OPCML: variants seen among roughly 807,000 people sequenced by gnomAD.
The protein encoded by OPCML is opioid binding protein/cell adhesion molecule like.
A neutral mutation model predicts 37.8 loss-of-function variants in OPCML; 13 were observed. The ratio of observed to expected loss-of-function variants is 0.34; its 90% confidence interval spans 0.22 to 0.55. OPCML has a LOEUF of 0.55. Among genes scored for constraint, OPCML ranks in the 20% least tolerant of loss-of-function variants. OPCML has a pLI of 0.91. For missense variants in OPCML, 341 were observed against 435.6 expected (o/e 0.78, Z 1.93); for synonymous variants, 176 against 168.8 (o/e 1.04, Z -0.33).
chr11:132,941,367 T>C (rs773948899), intron 2 of OPCML, among the ~76,000 whole-genome samples: 1 of 152,344 alleles, frequency 6.6e-6, no homozygotes, highest in Non-Finnish European at 1.5e-5. Context: ...TATTCAATGC[T>C]AGACCTCTTT....
intron 3 of OPCML, among the ~76,000 whole-genome samples, chr11:132,572,462 C>G (rs1314547759): frequency 6.6e-6 from 1 of 152,058 alleles, no homozygotes; most frequent in East Asian, 1.9e-4. Context: ...TTTCATTCTT[C>G]TATATGTGGA....
intron 2 of OPCML, among the ~76,000 whole-genome samples, chr11:132,900,745 A>C (rs891342805): frequency 1.3e-5 from 2 of 151,942 alleles, no homozygotes; most frequent in Non-Finnish European, 1.5e-5. Context: ...AACTAACTCC[A>C]GCTCCTTCAT....
At chr11:132,954,644 T>G (rs1288084733) in intron 1 of OPCML, among the ~76,000 whole-genome samples, 2 of 152,204 alleles carry the variant, frequency 1.3e-5, no homozygotes, top group Non-Finnish European at 2.9e-5. Context: ...CATTTGGATA[T>G]TTCGGTGTTG....
chr11:132,745,563 CAA>C (rs10562857), intron 2 of OPCML, among the ~76,000 whole-genome samples: 1,573 of 102,948 alleles, frequency 0.015, 11 homozygotes, highest in South Asian at 0.023. Flanking sequence ...TGCTGTCTTG[CAA>C]AAAAAAAAAA....
At chr11:132,425,805 C>T (rs1307029902) in intron 7 of OPCML, among the ~76,000 whole-genome samples, 1 of 152,216 alleles carries the variant, frequency 6.6e-6, no homozygotes. Flanking sequence ...GTAAAATCTT[C>T]CTAATGAATG....
intron 4 of OPCML, among the ~76,000 whole-genome samples, chr11:132,519,283 G>T (rs182709705): frequency 1.4e-3 from 208 of 152,230 alleles, no homozygotes; most frequent in Non-Finnish European, 2.4e-3. Flanking sequence ...TCAATGTGAA[G>T]GCATTATGAA....
At chr11:133,301,442 C>G (rs1335418114) in intron 1 of OPCML, 2 of 152,132 alleles carry the variant, frequency 1.3e-5, no homozygotes, top group Admixed American at 1.3e-4. Context: ...TCAATTTGGT[C>G]TCACCACAAA....
intron 2 of OPCML, among the ~76,000 whole-genome samples, chr11:132,932,508 C>A (rs1445711280): frequency 6.6e-6 from 1 of 151,868 alleles, no homozygotes; most frequent in Admixed American, 6.6e-5. Context: ...TTCCTCCATC[C>A]CCCTTTCCCA....
chr11:132,886,061 A>C (rs1280069470), intron 2 of OPCML, among the ~76,000 whole-genome samples: 3 of 152,206 alleles, frequency 2.0e-5, no homozygotes, highest in African/African-American at 7.2e-5. Context: ...TTCCATAATA[A>C]GTATAGGGCT....
chr11:133,384,264 A>AG (rs746573213), intron 1 of OPCML, among the ~76,000 whole-genome samples: 6 of 36,518 alleles, frequency 1.6e-4, no homozygotes, highest in African/African-American at 5.9e-4. Context: ...AAAAAAAAAA[A>AG]AGAAAAGAAA....
At position 132,958,617 on chromosome 11, in the gene OPCML, A is replaced by C. The variant is rs181137752; in HGVS notation, c.62-15607T>G. On this transcript the variant is annotated intron_variant, in intron 1 of 7. Coordinates refer to ENST00000524381, the MANE Select transcript of OPCML (RefSeq NM_001012393.5). ...AGGACAGGCTGACTCTCCGGTTAGG[A>C]GCTAATACAGCTGTTGACTTTAAGT... Among the ~76,000 whole-genome samples, 161 of 152,292 alleles carry C rather than the reference A, an allele frequency of 1.1e-3. 1 individual carries two copies. The highest frequency in any genetic ancestry group is 3.7e-3 in the African/African-American group (154 of 41,570).
intron 1 of OPCML, among the ~76,000 whole-genome samples, chr11:132,964,776 C>T (rs1304377892): frequency 6.6e-6 from 1 of 152,126 alleles, no homozygotes; most frequent in East Asian, 1.9e-4. Flanking sequence ...GTGGGTAATA[C>T]TACTACCTGC....
chr11:132,927,424 G>T (rs1945032176), intron 2 of OPCML, among the ~76,000 whole-genome samples: 1 of 152,066 alleles, frequency 6.6e-6, no homozygotes, highest in African/African-American at 2.4e-5. Flanking sequence ...AAAAGCAAAA[G>T]CAAAATCAAA....
At chr11:132,648,238 C>G (rs189139604) in intron 3 of OPCML, among the ~76,000 whole-genome samples, 2 of 152,164 alleles carry the variant, frequency 1.3e-5, no homozygotes, top group Non-Finnish European at 2.9e-5. Context: ...AGTTTATGAA[C>G]ATTTACTAAT....
chr11:133,223,625 GT>G (rs1324719603), intron 1 of OPCML, among the ~76,000 whole-genome samples: 2 of 152,140 alleles, frequency 1.3e-5, no homozygotes, highest in Admixed American at 1.3e-4. Flanking sequence ...AAAAGATTTT[GT>G]TTTGTGTTTC....
chr11:133,179,851 T>C (rs755405333), intron 1 of OPCML, among the ~76,000 whole-genome samples: 1 of 152,102 alleles, frequency 6.6e-6, no homozygotes, highest in Non-Finnish European at 1.5e-5. Flanking sequence ...TCAGTAACCC[T>C]GTGAGGCTTG....
At chr11:132,811,564 G>T (rs920115767) in intron 2 of OPCML, among the ~76,000 whole-genome samples, 1 of 152,054 alleles carries the variant, frequency 6.6e-6, no homozygotes, top group East Asian at 1.9e-4. Context: ...TTTCGGTTAC[G>T]GTTTTGTGTA....
chr11:133,531,737 T>G (rs1005198711), intron 1 of OPCML, among the ~76,000 whole-genome samples: 1,645 of 89,656 alleles, frequency 0.018, no homozygotes, highest in East Asian at 0.029. Flanking sequence ...TGGGGAGAGG[T>G]GGAGAGGGAG....
intron 1 of OPCML, among the ~76,000 whole-genome samples, chr11:133,274,763 T>G (rs1274320595): frequency 6.6e-6 from 1 of 152,208 alleles, no homozygotes; most frequent in Admixed American, 6.5e-5. Flanking sequence ...CCATCTTCAG[T>G]CACGAGCTTT....
Sources: allele counts gnomAD v4.1 joint callset (sites outside exome capture counted in the v4.1 genomes callset), GRCh38; gene constraint gnomAD v4.1.1; transcripts MANE v1.5; gene names NCBI Gene and HGNC (gene_info 2026-07-23, HGNC 2026-07-21).